Variants in PRDM6 observed in about 807,000 individuals in gnomAD.
The protein encoded by PRDM6 is putative histone-lysine N-methyltransferase PRDM6.
In PRDM6, 25 loss-of-function variants were observed where a neutral mutation model predicts 60.8. The ratio of observed to expected loss-of-function variants is 0.41; its 90% CI spans 0.30 to 0.57. PRDM6 has a LOEUF of 0.57. PRDM6 is among the 20% of genes least tolerant of loss of function. The probability of loss-of-function intolerance (pLI) is 0.27; values close to 1 mark genes in which losing one functional copy is unlikely to be tolerated. For missense variants in PRDM6, 839 were observed against 821.3 expected, an observed-to-expected ratio of 1.02 and a Z score of -0.26; for synonymous variants, 407 against 357.4, an observed-to-expected ratio of 1.14 and a Z score of -1.57.
chr5:123,103,627 A>G (rs1366731603), intron 3 of PRDM6, among the ~76,000 whole-genome samples: 2 of 152,028 alleles, frequency 1.3e-5, no homozygotes, highest in Non-Finnish European at 2.9e-5. Flanking sequence ...TCAATTATTA[A>G]TGTGCCCCCT....
At chr5:123,111,674 G>T (rs1475454206) in intron 3 of PRDM6, among the ~76,000 whole-genome samples, 1 of 146,642 alleles carries the variant, frequency 6.8e-6, no homozygotes, top group Non-Finnish European at 1.5e-5. Flanking sequence ...TTCCAGCAGG[G>T]GCGACAGAGC....
At chr5:123,150,003 A>G (rs939248134) in intron 3 of PRDM6, among the ~76,000 whole-genome samples, 3 of 152,182 alleles carry the variant, frequency 2.0e-5, no homozygotes, top group Non-Finnish European at 2.9e-5. Context: ...TATTGTGGCC[A>G]GTGTCCGTGA....
chr5:123,137,512 C>G (rs1296276776), intron 3 of PRDM6, among the ~76,000 whole-genome samples: 1 of 152,124 alleles, frequency 6.6e-6, no homozygotes, highest in African/African-American at 2.4e-5. Flanking sequence ...GTATTTAAAA[C>G]CATCCTTCTG....
chr5:123,141,964 T>G (rs1258139655), intron 3 of PRDM6, among the ~76,000 whole-genome samples: 1 of 152,168 alleles, frequency 6.6e-6, no homozygotes, highest in Non-Finnish European at 1.5e-5. Flanking sequence ...TAAATCTAAA[T>G]GCACAGCTTA....
chr5:123,131,842 G>A lies in PRDM6; in HGVS notation c.901-24042G>A, dbSNP rs144873364. 5.5e-3 allele frequency among the ~76,000 whole-genome samples: 842 copies of A among 152,320 alleles called. 4 individuals are homozygous for A. The highest frequency in any genetic ancestry group is 0.012 in the African/African-American group (485 of 41,560). On this transcript the variant is annotated intron_variant, in intron 3 of 7. Transcript: ENST00000407847. ...ATGCTTATTATATGTCTGGTACAGT[G>A]CCAAATGTTTTGTTTCTAGGACTAC...
At chr5:123,103,462 T>C (rs1337594470) in intron 3 of PRDM6, among the ~76,000 whole-genome samples, 1 of 152,066 alleles carries the variant, frequency 6.6e-6, no homozygotes, top group Admixed American at 6.5e-5. Context: ...TTGGACATCA[T>C]ATGAAATAAA....
intron 2 of PRDM6, among the ~76,000 whole-genome samples, chr5:123,098,778 G>C (rs1275432384): frequency 6.6e-6 from 1 of 152,180 alleles, no homozygotes. Context: ...TTCTTCCGGC[G>C]TCTAGGGAGA....
chr5:123,149,208 A>G (rs1765320291), intron 3 of PRDM6, among the ~76,000 whole-genome samples: 1 of 152,188 alleles, frequency 6.6e-6, no homozygotes, highest in South Asian at 2.1e-4. Context: ...AAAGGTTAGT[A>G]GGCCACACTG....
Position 123,090,331 on chromosome 5 carries a change from C to T in PRDM6, c.317C>T (p.Ala106Val), listed in dbSNP as rs1300670135. 1 of 1,480,044 alleles carries T rather than the reference C, an allele frequency of 6.8e-7. No homozygotes were observed. The allele number at this position is 1,480,044 out of a possible 1,614,324, so 91.7% of individuals were successfully genotyped here. Residue 106 changes from alanine to valine, a missense_variant, in exon 2 of 8, where the codon GCT becomes GTT. Around this residue, in one of 2 missense-constraint regions of PRDM6, gnomAD observed 730 missense variants for 648.8 expected, o/e 1.13. Coordinates refer to ENST00000407847, the MANE Select transcript of PRDM6 (RefSeq NM_001136239.4). ...CAAAAAAAALAGLSALPVSQL... is the reference protein window; with the variant it reads ...CAAAAAAAALVGLSALPVSQL... Reference sequence around the variant, plus strand: ...GCTGCGGCCGCTGCCGCCGCGCTGGCTGGTCTCTCGGCCCTGCCGGTGTCG... The same window carrying T: ...GCTGCGGCCGCTGCCGCCGCGCTGGTTGGTCTCTCGGCCCTGCCGGTGTCG...
intron 2 of PRDM6, among the ~76,000 whole-genome samples, chr5:123,097,055 C>T (rs928939258): frequency 2.0e-5 from 3 of 152,194 alleles, no homozygotes; most frequent in African/African-American, 7.2e-5. Context: ...AGTTAAGTAA[C>T]TCCCTGGAGT....
intron 3 of PRDM6, among the ~76,000 whole-genome samples, chr5:123,122,457 ACTT>A (rs1252661609): frequency 6.6e-6 from 1 of 152,150 alleles, no homozygotes; most frequent in Non-Finnish European, 1.5e-5. Context: ...AGCGGGACTA[ACTT>A]CTTCTTTGGG....
chr5:123,184,835 C>T (rs1347820571), intron 7 of PRDM6, among the ~76,000 whole-genome samples: 1 of 152,262 alleles, frequency 6.6e-6, no homozygotes, highest in East Asian at 1.9e-4. Context: ...TTGTCATTCC[C>T]AGACAACATA....
chr5:123,122,111 C>T (rs1483065214), intron 3 of PRDM6, among the ~76,000 whole-genome samples: 1 of 126,904 alleles, frequency 7.9e-6, no homozygotes, highest in Non-Finnish European at 1.5e-5. Context: ...TGCAGTGAGC[C>T]GAGATCCCAC....
rs1406664265 is a variant in PRDM6, at chr5:123,187,988, A to G, written c.*787A>G. The G allele has an allele frequency of 6.6e-6, 1 of 151,736 alleles. No homozygotes were observed. Among genetic ancestry groups the G allele is most frequent in the Non-Finnish European group, 1.5e-5 (1 of 67,966 alleles). 9.4% of individuals were successfully genotyped at this position (151,736 alleles called of 1,614,324 possible). A position where few individuals can be genotyped will look rare whatever the true frequency, so the allele number is the denominator to read the frequency against. ...GCTCGTTGAGAAACATTTGTTTTCA[A>G]TAACATTTTAGCTTAAAAAAAAAAA... On this transcript the variant is annotated 3_prime_UTR_variant, in exon 8 of 8. Coordinates refer to ENST00000407847, the MANE Select transcript of PRDM6 (RefSeq NM_001136239.4).
chr5:123,123,819 C>G (rs1265315762), intron 3 of PRDM6, among the ~76,000 whole-genome samples: 1 of 150,652 alleles, frequency 6.6e-6, no homozygotes, highest in South Asian at 2.1e-4. Flanking sequence ...AGTCCTGTCT[C>G]TTGTATCAGA....
At chr5:123,097,041 A>C (rs1310424079) in intron 2 of PRDM6, among the ~76,000 whole-genome samples, 1 of 152,206 alleles carries the variant, frequency 6.6e-6, no homozygotes, top group Non-Finnish European at 1.5e-5. Flanking sequence ...CAGAAAAAAA[A>C]ATCAGTTAAG....
At chr5:123,180,731 A>G (rs1766136037) in intron 7 of PRDM6, among the ~76,000 whole-genome samples, 1 of 152,246 alleles carries the variant, frequency 6.6e-6, no homozygotes. Flanking sequence ...AGTTTAGAAC[A>G]TCCGAATAAT....
rs916749641 is a variant in PRDM6 at position 123,191,555 on chromosome 5, T to G, written c.*4354T>G. ...TCTTTACTAGATCCTGACATCAGATTTTAAAAGATACTGAGATATATGCTT... is the reference window on the plus strand; with the variant it reads ...TCTTTACTAGATCCTGACATCAGATGTTAAAAGATACTGAGATATATGCTT... On this transcript the variant is annotated 3_prime_UTR_variant, in exon 8 of 8. Transcript: ENST00000407847. 2.6e-5 allele frequency: 4 copies of G among 152,196 alleles called. No individual in the cohort carries two copies. Among genetic ancestry groups the G allele is most frequent in the African/African-American group, 9.7e-5 (4 of 41,444 alleles). 9.4% of individuals were successfully genotyped at this position (152,196 alleles called of 1,614,324 possible).
At chr5:123,114,455 C>T (rs1332366419) in intron 3 of PRDM6, among the ~76,000 whole-genome samples, 1 of 152,252 alleles carries the variant, frequency 6.6e-6, no homozygotes, top group Admixed American at 6.5e-5. Context: ...ACCACCCTTT[C>T]CACACTCACT....
Sources: allele counts gnomAD v4.1 joint callset (sites outside exome capture counted in the v4.1 genomes callset), GRCh38; gene constraint gnomAD v4.1.1; regional missense constraint gnomAD v4.1.1; transcripts MANE v1.5; gene names NCBI Gene and HGNC (gene_info 2026-07-23, HGNC 2026-07-21).